The following ENPP6 variants were observed in gnomAD, a reference collection of about 807,000 sequenced individuals.
ENPP6 encodes the protein glycerophosphocholine cholinephosphodiesterase ENPP6.
ENPP6 carries 32 observed loss-of-function variants against 42.0 expected under a neutral mutation model. That is an observed-to-expected ratio of 0.76 (90% CI 0.58 to 1.02). The LOEUF (loss-of-function observed/expected upper bound fraction) is 1.02. Among genes scored for constraint, ENPP6 ranks in the 50% least tolerant of loss-of-function variants. ENPP6 has a pLI of 0.00. For missense variants in ENPP6, 552 were observed against 566.8 expected (o/e 0.97, Z 0.27); for synonymous variants, 213 against 216.0 (o/e 0.99, Z 0.12).
At chr4:184,106,344 C>T (rs1399005135) in intron 6 of ENPP6, among the ~76,000 whole-genome samples, 2 of 152,084 alleles carry the variant, frequency 1.3e-5, no homozygotes, top group Non-Finnish European at 2.9e-5. Context: ...CACAAAAATA[C>T]CAAGTCTTAA....
chr4:184,155,920 G>A (rs529489878), intron 1 of ENPP6, among the ~76,000 whole-genome samples: 2 of 152,280 alleles, frequency 1.3e-5, no homozygotes, highest in Middle Eastern at 6.8e-3. Flanking sequence ...TTTGTTCTCT[G>A]CTCTCTGAGT....
rs754865458 is a variant in ENPP6 at position 184,112,799 on chromosome 4, T to C, written c.866A>G (p.Lys289Arg). 3.0e-5 allele frequency: 49 copies of C among 1,612,816 alleles called. No homozygotes were observed. Among genetic ancestry groups the C allele is most frequent in the Non-Finnish European group, 4.0e-5 (47 of 1,179,722 alleles). Residue 289 changes from lysine to arginine, a missense_variant, in exon 6 of 8, where the codon AAA (lysine) becomes AGA (arginine). Transcript: ENST00000296741. ...APGKHSEIYN[K>R]LSTVEHMTVY... ...AGTCATGTGTTCCACTGTGCTCAGT[T>C]TGTTATATATCTGCAAAGAAAATCA... is the stretch of plus-strand genomic sequence containing the variant.
At chr4:184,170,807 T>C (rs1579647677) in intron 1 of ENPP6, among the ~76,000 whole-genome samples, 2 of 152,128 alleles carry the variant, frequency 1.3e-5, no homozygotes, top group South Asian at 4.2e-4. Flanking sequence ...GATTGGTGGG[T>C]TTAGATGGTG....
chr4:184,207,766 C>A (rs1360214630), intron 1 of ENPP6, among the ~76,000 whole-genome samples: 2 of 152,206 alleles, frequency 1.3e-5, no homozygotes, highest in Non-Finnish European at 1.5e-5. Context: ...TCTGTGTATT[C>A]ATTCGCTTGG....
chr4:184,189,619 G>T lies in ENPP6; in HGVS notation c.241+27960C>A, dbSNP rs80260413. Reference sequence around the variant, plus strand: ...AGTCAGGAAGCCTCATGAGGAAACAGACCAGAGGAGGCCAGAAGGGCAGAA... The same window carrying T: ...AGTCAGGAAGCCTCATGAGGAAACATACCAGAGGAGGCCAGAAGGGCAGAA... On this transcript the variant is annotated intron_variant, in intron 1 of 7. Transcript: ENST00000296741. 1.1e-3 allele frequency among the ~76,000 whole-genome samples: 170 copies of T among 152,314 alleles called. 1 individual carries two copies. Among genetic ancestry groups the T allele is most frequent in the Non-Finnish European group, 2.0e-3 (139 of 68,030 alleles).
intron 1 of ENPP6, among the ~76,000 whole-genome samples, chr4:184,205,185 G>A (rs1025024848): frequency 2.9e-4 from 44 of 152,174 alleles, no homozygotes; most frequent in African/African-American, 8.9e-4. Flanking sequence ...CACCTGCCTC[G>A]GCCTCCCAAA....
intron 1 of ENPP6, among the ~76,000 whole-genome samples, chr4:184,206,398 C>T (rs1732999326): frequency 9.4e-6 from 1 of 106,336 alleles, no homozygotes; most frequent in Non-Finnish European, 1.9e-5. Flanking sequence ...GCTGGGACTA[C>T]AGGCGGGCGC....
intron 1 of ENPP6, among the ~76,000 whole-genome samples, chr4:184,160,677 T>C (rs1737244395): frequency 6.8e-6 from 1 of 147,566 alleles, no homozygotes; most frequent in Admixed American, 6.8e-5. Flanking sequence ...CACAAATGAA[T>C]GCAATCTAGA....
rs201041142 is a variant in ENPP6, at chr4:184,117,908, G to T, written c.534-8C>A. 1.9e-4 allele frequency: 305 copies of T among 1,613,524 alleles called. No individual in the cohort carries two copies. The East Asian group carries it at 6.4e-3, about 34-fold the overall frequency. ...AGGTCGGCCCGGCCACTCCTGGAGGGACAGAGGAGAGAGGCATAGGTGAGG... is the reference window on the plus strand; with the variant it reads ...AGGTCGGCCCGGCCACTCCTGGAGGTACAGAGGAGAGAGGCATAGGTGAGG... On this transcript the variant is annotated splice_polypyrimidine_tract_variant and splice_region_variant and intron_variant, in intron 3 of 7. Transcript: ENST00000296741.
chr4:184,147,613 C>T (rs190807132), intron 2 of ENPP6, among the ~76,000 whole-genome samples: 1 of 152,070 alleles, frequency 6.6e-6, no homozygotes, highest in Admixed American at 6.5e-5. Context: ...ACCCCCGCCA[C>T]CCCCGACCCC....
chr4:184,199,990 C>G (rs1336031065), intron 1 of ENPP6, among the ~76,000 whole-genome samples: 15 of 152,152 alleles, frequency 9.9e-5, no homozygotes. Flanking sequence ...ATCAGTAAGC[C>G]CACTGTGAAG....
intron 2 of ENPP6, among the ~76,000 whole-genome samples, chr4:184,128,634 T>C (rs2111355179): frequency 6.7e-6 from 1 of 149,918 alleles, no homozygotes; most frequent in East Asian, 1.9e-4. Context: ...ATCTTGGAAA[T>C]ATAACGTGCA....
chr4:184,187,716 A>ATT (rs142174733), intron 1 of ENPP6, among the ~76,000 whole-genome samples: 3,787 of 152,220 alleles, frequency 0.025, 153 homozygotes, highest in African/African-American at 0.087. Flanking sequence ...CATTGTTTAT[A>ATT]TATGTGTTAT....
intron 1 of ENPP6, among the ~76,000 whole-genome samples, chr4:184,159,914 A>G (rs1737234297): frequency 6.6e-6 from 1 of 152,202 alleles, no homozygotes; most frequent in Non-Finnish European, 1.5e-5. Context: ...TTGGTTTTCC[A>G]TTCCTGAGTT....
At chr4:184,116,088 T>TG (rs1258570111) in intron 5 of ENPP6, among the ~76,000 whole-genome samples, 1 of 150,288 alleles carries the variant, frequency 6.7e-6, no homozygotes, top group African/African-American at 2.4e-5. Flanking sequence ...CTGGGCATGG[T>TG]GGCGGGCGCC....
chr4:184,115,826 G>C (rs1405011222), intron 5 of ENPP6, among the ~76,000 whole-genome samples: 1 of 152,208 alleles, frequency 6.6e-6, no homozygotes, highest in Non-Finnish European at 1.5e-5. Context: ...AAACAGATCA[G>C]CCTGGCAGAA....
At chr4:184,103,104 A>G (rs11132222) in intron 6 of ENPP6, among the ~76,000 whole-genome samples, 60,118 of 152,164 alleles carry the variant, frequency 0.4, 12,428 homozygotes, top group East Asian at 0.59. Flanking sequence ...GGACTGCAGA[A>G]TGAGGCACAG....
intron 1 of ENPP6, among the ~76,000 whole-genome samples, chr4:184,178,954 G>A (rs1732495594): frequency 6.6e-6 from 1 of 152,122 alleles, no homozygotes; most frequent in South Asian, 2.1e-4. Context: ...ACACTATGAA[G>A]CAACTACATC....
chr4:184,216,316 TA>T (rs1428833943), intron 1 of ENPP6, among the ~76,000 whole-genome samples: 1 of 152,210 alleles, frequency 6.6e-6, no homozygotes, highest in East Asian at 1.9e-4. Flanking sequence ...CTGGGGGAAA[TA>T]AAAAACAAAT....
Sources: allele counts gnomAD v4.1 joint callset (sites outside exome capture counted in the v4.1 genomes callset), GRCh38; gene constraint gnomAD v4.1.1; transcripts MANE v1.5; gene names NCBI Gene and HGNC (gene_info 2026-07-23, HGNC 2026-07-21).